Variants in CALML4 observed in about 807,000 individuals in gnomAD.
CALML4 encodes the protein calmodulin-like protein 4.
A neutral mutation model predicts 17.9 loss-of-function variants in CALML4; 16 were observed. The observed-to-expected ratio is 0.89, with a 90% confidence interval of 0.61 to 1.36. CALML4 has a LOEUF of 1.36. Among genes scored for constraint, CALML4 ranks in the 40% most tolerant of loss-of-function variants. CALML4 has a pLI of 0.00. For synonymous variants in CALML4, 86 were observed against 71.5 expected (o/e 1.20, Z -1.02); for missense variants, 203 against 194.8 (o/e 1.04, Z -0.25).
intron 2 of CALML4, chr15:68,199,934 G>GCA (rs2093160043): frequency 1.3e-5 from 4 of 317,272 alleles, no homozygotes; most frequent in African/African-American, 8.6e-5. Flanking sequence ...ACTTCTATTG[G>GCA]AAAAGTATTT....
chr15:68,203,151 T>C (rs2093171039), intron 2 of CALML4, among the ~76,000 whole-genome samples: 2 of 152,164 alleles, frequency 1.3e-5, no homozygotes, highest in Admixed American at 1.3e-4. Flanking sequence ...GGTTTCACCA[T>C]GTTGGCCAGG....
chr15:68,205,498 AG>A, upstream of CALML4: 1 of 1,231,478 alleles, frequency 8.1e-7, no homozygotes, highest in Non-Finnish European at 1.1e-6. This position sits in a 1 kb window ranked among gnomAD's most constrained non-coding sequence, Gnocchi z 4.8. Context: ...CCCTGGGCTC[AG>A]AGTCTCTGCC....
chr15:68,205,160 G>A lies in CALML4; in HGVS notation c.4-9C>T. On this transcript the variant is annotated splice_polypyrimidine_tract_variant and intron_variant, in intron 1 of 4. Coordinates refer to ENST00000467889, the MANE Select transcript of CALML4 (RefSeq NM_033429.3). The surrounding 1 kb of genome is among the most constrained non-coding windows in gnomAD (Gnocchi z 4.8). ...TGGGAAAGAAACTTGGCCTGCAGCAGAGAAAGGAAAACAGTCAGGGGAGGG... is the reference window on the plus strand; with the variant it reads ...TGGGAAAGAAACTTGGCCTGCAGCAAAGAAAGGAAAACAGTCAGGGGAGGG... The A allele has an allele frequency of 3.1e-6, 5 of 1,614,184 alleles. No homozygotes were observed. The highest frequency in any genetic ancestry group is 2.5e-6 in the Non-Finnish European group (3 of 1,180,032).
rs751835710 is a variant in CALML4 at position 68,204,558 on chromosome 15, C to T, written c.34+563G>A. On this transcript the variant is annotated intron_variant, in intron 2 of 4. Transcript: ENST00000467889. The surrounding 1 kb of genome is among the most constrained non-coding windows in gnomAD (Gnocchi z 6.0). ...TGCTCTTGGCCTTCTGGAAATAGAA[C>T]CCTGCACGGTGTGAAACTGAAGCCT... Among the ~76,000 whole-genome samples, 23 of 152,164 alleles carry T rather than the reference C, an allele frequency of 1.5e-4. No homozygotes were observed. Among genetic ancestry groups the T allele is most frequent in the Non-Finnish European group, 2.9e-4 (20 of 68,020 alleles).
rs2093177269 is a variant in CALML4, at chr15:68,204,982, C to A, written c.34+139G>T. On this transcript the variant is annotated intron_variant, in intron 2 of 4. Coordinates refer to ENST00000467889, the MANE Select transcript of CALML4 (RefSeq NM_033429.3). This position sits in a 1 kb window ranked among gnomAD's most constrained non-coding sequence, Gnocchi z 6.0. ...ACCCCCACCCCGCCAACAGCAGCCT[C>A]CCCGCAGCTCTTGGCCCTGGGTGGG... 1.1e-6 allele frequency: 1 copy of A among 934,766 alleles called. No homozygotes were observed. Among genetic ancestry groups the A allele is most frequent in the Admixed American group, 2.4e-5 (1 of 42,412 alleles). 57.9% of individuals were successfully genotyped at this position (934,766 alleles called of 1,614,324 possible).
At position 68,205,021 on chromosome 15, in the gene CALML4, C is replaced by G; in HGVS notation, c.34+100G>C. ...GCCCTGGGTGGGCCCAGCTCTCCCACAGCCACCTTCCTTCCCACCAAGAAA... is the reference window on the plus strand; with the variant it reads ...GCCCTGGGTGGGCCCAGCTCTCCCAGAGCCACCTTCCTTCCCACCAAGAAA... On this transcript the variant is annotated intron_variant, in intron 2 of 4. Coordinates refer to ENST00000467889, the MANE Select transcript of CALML4 (RefSeq NM_033429.3). This position sits in a 1 kb window ranked among gnomAD's most constrained non-coding sequence, Gnocchi z 4.8. 1 of 1,440,436 alleles carries G rather than the reference C, an allele frequency of 6.9e-7. No individual in the cohort carries two copies. Among genetic ancestry groups the G allele is most frequent in the Non-Finnish European group, 9.7e-7 (1 of 1,033,094 alleles). 89.2% of individuals were successfully genotyped at this position (1,440,436 alleles called of 1,614,324 possible).
chr15:68,205,094 G>A lies in CALML4; in HGVS notation c.34+27C>T. 6.2e-7 allele frequency: 1 copy of A among 1,613,304 alleles called. No homozygotes were observed. The highest frequency in any genetic ancestry group is 1.1e-5 in the South Asian group (1 of 91,062). On this transcript the variant is annotated intron_variant, in intron 2 of 4. Coordinates refer to ENST00000467889, the MANE Select transcript of CALML4 (RefSeq NM_033429.3). The surrounding 1 kb of genome is among the most constrained non-coding windows in gnomAD (Gnocchi z 4.8). ...AATGAGACCCATATTTTGCTGAGTTGCTAATCAAAGAACAAACCCAACCTA... is the reference window on the plus strand; with the variant it reads ...AATGAGACCCATATTTTGCTGAGTTACTAATCAAAGAACAAACCCAACCTA...
At position 68,199,543 on chromosome 15, in the gene CALML4, A is replaced by C. The variant is rs1259632202; in HGVS notation, c.173T>G (p.Ile58Arg). The stretch of plus-strand genomic sequence containing the variant: ...CCGTTGTTCCCACCACCACTCACCT[A>C]TCCCGTGGGTCTGCAGGTGCCGCTG... ...EVQRHLQTHGIDGNGELDFST... is the reference protein window; with the variant it reads ...EVQRHLQTHGRDGNGELDFST... Residue 58 changes from isoleucine (I) to arginine (R), a missense_variant and splice_region_variant, in exon 3 of 5, where the codon ATA becomes AGA. Transcript: ENST00000467889. 1 of 1,612,144 alleles carries C rather than the reference A, an allele frequency of 6.2e-7. No homozygotes were observed. Among genetic ancestry groups the C allele is most frequent in the East Asian group, 2.2e-5 (1 of 44,718 alleles).
upstream of CALML4, chr15:68,205,991 G>A (rs1167165197): frequency 1.3e-5 from 2 of 153,214 alleles, no homozygotes; most frequent in African/African-American, 2.4e-5. This position sits in a 1 kb window ranked among gnomAD's most constrained non-coding sequence, Gnocchi z 4.8. Context: ...GGCCTGAGCC[G>A]GGTCTCCAGC....
chr15:68,204,133 A>C lies in CALML4; in HGVS notation c.34+988T>G, dbSNP rs2093174330. Among the ~76,000 whole-genome samples, 1 of 152,086 alleles carries C rather than the reference A, an allele frequency of 6.6e-6. No homozygotes were observed. Among genetic ancestry groups the C allele is most frequent in the Admixed American group, 6.6e-5 (1 of 15,264 alleles). ...TAAAGAGTTCCAGGGTTCTACGTGG[A>C]GGTGCCCACCTGGAGCTCACAATTC... On this transcript the variant is annotated intron_variant, in intron 2 of 4. Coordinates refer to ENST00000467889, the MANE Select transcript of CALML4 (RefSeq NM_033429.3). The surrounding 1 kb of genome is among the most constrained non-coding windows in gnomAD (Gnocchi z 6.0).
chr15:68,195,448 C>G (rs1285569663), intron 4 of CALML4, among the ~76,000 whole-genome samples: 1 of 152,126 alleles, frequency 6.6e-6, no homozygotes, highest in Non-Finnish European at 1.5e-5. Flanking sequence ...TAAAACCATC[C>G]TGGGGGATAG....
chr15:68,202,902 C>T (rs1175461811), intron 2 of CALML4, among the ~76,000 whole-genome samples: 1 of 151,142 alleles, frequency 6.6e-6, no homozygotes, highest in African/African-American at 2.4e-5. Context: ...GCAACCTCCG[C>T]CTCCTGGGTT....
chr15:68,204,343 G>A lies in CALML4; in HGVS notation c.34+778C>T, dbSNP rs1167051756. 6.6e-6 allele frequency among the ~76,000 whole-genome samples: 1 copy of A among 152,182 alleles called. No homozygotes were observed. The highest frequency in any genetic ancestry group is 1.5e-5 in the Non-Finnish European group (1 of 68,036). ...AAGGCGATGTTTCAGCAAAGACCTGGAGGAATGGGATGCCTCGGGGGACTC... is the reference window on the plus strand; with the variant it reads ...AAGGCGATGTTTCAGCAAAGACCTGAAGGAATGGGATGCCTCGGGGGACTC... On this transcript the variant is annotated intron_variant, in intron 2 of 4. Coordinates refer to ENST00000467889, the MANE Select transcript of CALML4 (RefSeq NM_033429.3). This position sits in a 1 kb window ranked among gnomAD's most constrained non-coding sequence, Gnocchi z 6.0.
chr15:68,202,807 C>CTT (rs35057668), intron 2 of CALML4, among the ~76,000 whole-genome samples: 59 of 95,034 alleles, frequency 6.2e-4, no homozygotes, highest in Non-Finnish European at 7.5e-4. Context: ...CCATGACCGG[C>CTT]TTTTTTTTTT....
At position 68,193,673 on chromosome 15, in the gene CALML4, G is replaced by T. The variant is rs1462099835; in HGVS notation, c.*342C>A. The T allele has an allele frequency of 2.6e-5, 6 of 228,566 alleles. No individual in the cohort carries two copies. The highest frequency in any genetic ancestry group is 4.3e-5 in the Non-Finnish European group (5 of 115,412). The allele number at this position is 228,566 out of a possible 1,614,324, so 14.2% of individuals were successfully genotyped here. On this transcript the variant is annotated 3_prime_UTR_variant, in exon 5 of 5. Transcript: ENST00000467889. ...AAGAAGTGGGAATCCAGCTTGTGTG[G>T]GGGGGCTTTGAGGAGTGAAATGATT...
intron 4 of CALML4, 115 bp from the exon 5 acceptor site, chr15:68,194,227 T>C (rs2093133016): frequency 2.9e-6 from 2 of 701,272 alleles, no homozygotes; most frequent in South Asian, 3.4e-5. Context: ...CAGTTGACTA[T>C]TCCTGTAGAC....
In CALML4 at chr15:68,200,075, A is replaced by G. The variant is rs2093160611; in HGVS notation, c.35-394T>C. ...AACCCACAGGACTGGAACTCCCAGG[A>G]CAGTGCCCCTCCAGGGCCCACAGGG... On this transcript the variant is annotated intron_variant, in intron 2 of 4. Transcript: ENST00000467889. This position sits in a 1 kb window ranked among gnomAD's most constrained non-coding sequence, Gnocchi z 4.3. The G allele has an allele frequency of 6.3e-6, 1 of 157,870 alleles. No individual in the cohort carries two copies. Among genetic ancestry groups the G allele is most frequent in the Non-Finnish European group, 1.4e-5 (1 of 72,134 alleles). The allele number at this position is 157,870 out of a possible 1,614,324, so 9.8% of individuals were successfully genotyped here.
chr15:68,205,736 G>C (rs566124218), upstream of CALML4: 1 of 272,016 alleles, frequency 3.7e-6, no homozygotes, highest in African/African-American at 2.2e-5. This position sits in a 1 kb window ranked among gnomAD's most constrained non-coding sequence, Gnocchi z 4.8. Context: ...GGGCACCGGG[G>C]CTCGCAGGCT....
In CALML4 at chr15:68,205,192, C is replaced by CT. The variant is rs1470213774; in HGVS notation, c.4-42dup. 2 of 1,614,196 alleles carry CT rather than the reference C, an allele frequency of 1.2e-6. No homozygotes were observed. Among genetic ancestry groups the CT allele is most frequent in the Non-Finnish European group, 1.7e-6 (2 of 1,180,036 alleles). ...GAAAACAGTCAGGGGAGGGCTCCAC[C>CT]TGAGGTTCACGCCCCCAGCCCTGGC... On this transcript the variant is annotated intron_variant, in intron 1 of 4. Coordinates refer to ENST00000467889, the MANE Select transcript of CALML4 (RefSeq NM_033429.3). The surrounding 1 kb of genome is among the most constrained non-coding windows in gnomAD (Gnocchi z 4.8).
Sources: allele counts gnomAD v4.1 joint callset (sites outside exome capture counted in the v4.1 genomes callset), GRCh38; gene constraint gnomAD v4.1.1; non-coding constraint Gnocchi (gnomAD v3.1); transcripts MANE v1.5; gene names NCBI Gene and HGNC (gene_info 2026-07-23, HGNC 2026-07-21).